Variants in ARMC9 observed in about 807,000 individuals in gnomAD.
ARMC9 encodes the protein lisH domain-containing protein ARMC9.
Under a neutral mutation model 107.0 loss-of-function variants are expected in ARMC9, and 94 were observed. The ratio of observed to expected loss-of-function variants is 0.88; its 90% CI spans 0.74 to 1.04. The LOEUF (loss-of-function observed/expected upper bound fraction) is 1.04. ARMC9 is among the 50% of genes least tolerant of loss of function. ARMC9 has a pLI of 0.00. For missense variants in ARMC9, 942 were observed against 1,030.1 expected, an observed-to-expected ratio of 0.91 and a Z score of 1.17; for synonymous variants, 380 against 396.9, an observed-to-expected ratio of 0.96 and a Z score of 0.51.
chr2:231,207,018 T>A (rs2032110096), intron 2 of ARMC9, among the ~76,000 whole-genome samples: 1 of 152,218 alleles, frequency 6.6e-6, no homozygotes, highest in Non-Finnish European at 1.5e-5. Context: ...TTAAAAATCT[T>A]TTTAGAGACA....
At chr2:231,200,241 C>T (rs188435215) in intron 1 of ARMC9, among the ~76,000 whole-genome samples, 9 of 152,284 alleles carry the variant, frequency 5.9e-5, no homozygotes, top group African/African-American at 2.2e-4. Context: ...ACTCACTTTT[C>T]CCGTTCCAGG....
In ARMC9 at chr2:231,360,847, A is replaced by T. The variant is rs1278144319; in HGVS notation, c.2225A>T (p.Glu742Val). 1 of 1,535,598 alleles carries T rather than the reference A, an allele frequency of 6.5e-7. No individual in the cohort carries two copies. Among genetic ancestry groups the T allele is most frequent in the South Asian group, 1.2e-5 (1 of 84,004 alleles). ...APTGTPRQPREAPQDPGNGVT... is the reference protein window; with the variant it reads ...APTGTPRQPRVAPQDPGNGVT... ...ACGGGGACCCCCCGCCAGCCAAGGG[A>T]GGCGCCCCAGGACCCAGGCAATGGA... The change falls in exon 23 of 25, where the codon GAG becomes GTG. Residue 742 changes from glutamate to valine, a missense_variant. By Grantham distance (121) the Glu-to-Val change is moderately radical. Transcript: ENST00000611582. This position sits in a 1 kb window ranked among gnomAD's most constrained non-coding sequence, Gnocchi z 4.7.
In ARMC9 at chr2:231,361,000, G is replaced by A; in HGVS notation, c.2261+117G>A. 7.2e-7 allele frequency: 1 copy of A among 1,397,022 alleles called. No individual in the cohort carries two copies. 86.5% of individuals were successfully genotyped at this position (1,397,022 alleles called of 1,614,324 possible). A position where few individuals can be genotyped will look rare whatever the true frequency, so the allele number is the denominator to read the frequency against. ...AAGGCTCCTCTGAGGCCCAGCCTCTGACAGGGGAGGCTAAGGAGCAGTGTC... is the reference window on the plus strand; with the variant it reads ...AAGGCTCCTCTGAGGCCCAGCCTCTAACAGGGGAGGCTAAGGAGCAGTGTC... On this transcript the variant is annotated intron_variant, in intron 23 of 24. Coordinates refer to ENST00000611582, the MANE Select transcript of ARMC9 (RefSeq NM_001352754.2). This position sits in a 1 kb window ranked among gnomAD's most constrained non-coding sequence, Gnocchi z 4.7.
Position 231,291,346 on chromosome 2 carries a change from C to T in ARMC9, c.1627-7C>T. On this transcript the variant is annotated splice_polypyrimidine_tract_variant and splice_region_variant and intron_variant, in intron 17 of 24. Transcript: ENST00000611582. ...ATGTTAACTATTACTTTCGCCAATACTTCTAGGGAATGGAAGACATCCTAC... is the reference window on the plus strand; with the variant it reads ...ATGTTAACTATTACTTTCGCCAATATTTCTAGGGAATGGAAGACATCCTAC... 6.2e-7 allele frequency: 1 copy of T among 1,611,614 alleles called. No homozygotes were observed. The highest frequency in any genetic ancestry group is 2.2e-5 in the East Asian group (1 of 44,828).
At chr2:231,368,912 C>T (rs145765390) in intron 23 of ARMC9, among the ~76,000 whole-genome samples, 2,338 of 152,264 alleles carry the variant, frequency 0.015, 43 homozygotes, top group African/African-American at 0.04. Flanking sequence ...CATGAGCCAC[C>T]GCGCCCGGCC....
intron 20 of ARMC9, among the ~76,000 whole-genome samples, chr2:231,341,138 G>A (rs1335556795): frequency 6.6e-6 from 1 of 152,200 alleles, no homozygotes; most frequent in Non-Finnish European, 1.5e-5. Context: ...GCTTCAGTGA[G>A]CTATGATTGC....
rs1164707595 is a variant in ARMC9 at position 231,269,572 on chromosome 2, A to G, written c.1120-1410A>G. Among the ~76,000 whole-genome samples the G allele has an allele frequency of 2.0e-5, 3 of 150,662 alleles. No homozygotes were observed. The East Asian group carries it at 5.8e-4, about 29-fold the overall frequency. On this transcript the variant is annotated intron_variant, in intron 12 of 24. Coordinates refer to ENST00000611582, the MANE Select transcript of ARMC9 (RefSeq NM_001352754.2). Reference sequence around the variant, plus strand: ...GGCTAATTTTTGTATTTTTGTAGAGACGGGGTTTCACCATGTTGGCCAGGC... The same window carrying G: ...GGCTAATTTTTGTATTTTTGTAGAGGCGGGGTTTCACCATGTTGGCCAGGC...
intron 9 of ARMC9, among the ~76,000 whole-genome samples, chr2:231,245,848 A>G (rs932686893): frequency 1.2e-4 from 19 of 152,076 alleles, no homozygotes; most frequent in Non-Finnish European, 1.6e-4. Flanking sequence ...CCCTGGGCAA[A>G]TGTGAATGCA....
At chr2:231,288,424 G>A in intron 17 of ARMC9, among the ~76,000 whole-genome samples, 1 of 152,088 alleles carries the variant, frequency 6.6e-6, no homozygotes, top group East Asian at 1.9e-4. Context: ...TTCATAACTA[G>A]AGGAAAATAT....
At chr2:231,281,731 C>T in intron 16 of ARMC9, among the ~76,000 whole-genome samples, 1 of 152,136 alleles carries the variant, frequency 6.6e-6, no homozygotes, top group East Asian at 1.9e-4. Context: ...TGAACAACAA[C>T]AACAACAAAA....
intron 12 of ARMC9, chr2:231,270,655 C>G (rs1326809036): frequency 1.9e-6 from 1 of 517,320 alleles, no homozygotes; most frequent in Non-Finnish European, 3.9e-6. Flanking sequence ...CCAAATTAGT[C>G]ATGTGTCTTG....
chr2:231,316,956 T>A (rs2042726586), intron 19 of ARMC9, among the ~76,000 whole-genome samples: 1 of 152,028 alleles, frequency 6.6e-6, no homozygotes, highest in Non-Finnish European at 1.5e-5. Context: ...AGAGATGGGG[T>A]TTCACCATGT....
chr2:231,261,924 G>A lies in ARMC9; in HGVS notation c.1027-382G>A, dbSNP rs577040080. 3.6e-3 allele frequency among the ~76,000 whole-genome samples: 540 copies of A among 151,874 alleles called. 6 individuals are homozygous for A. Among genetic ancestry groups the A allele is most frequent in the African/African-American group, 0.012 (489 of 41,368 alleles). On this transcript the variant is annotated intron_variant, in intron 11 of 24. Transcript: ENST00000611582. ...TGCAACCTCCGACTCCTGGGTTCAC[G>A]CCATTCTCCTGCCTCAGCCTCCCGA...
chr2:231,212,550 G>GA (rs1240507495), intron 3 of ARMC9, among the ~76,000 whole-genome samples: 2 of 152,210 alleles, frequency 1.3e-5, no homozygotes, highest in Non-Finnish European at 2.9e-5. Context: ...CACAGTCAGA[G>GA]AGCTCTTGGT....
chr2:231,290,265 C>G (rs1291032867), intron 17 of ARMC9, among the ~76,000 whole-genome samples: 1 of 152,204 alleles, frequency 6.6e-6, no homozygotes, highest in Non-Finnish European at 1.5e-5. Context: ...ACTGATTTAA[C>G]TTTTCTAGAA....
At chr2:231,320,121 CT>C in intron 19 of ARMC9, among the ~76,000 whole-genome samples, 1 of 77,386 alleles carries the variant, frequency 1.3e-5, no homozygotes, top group African/African-American at 4.3e-5. Flanking sequence ...ACCCACTTAG[CT>C]GCTGTATGTA....
rs1334790913 is a variant in ARMC9, at chr2:231,358,521, C to T, written c.2132-2233C>T. On this transcript the variant is annotated intron_variant, in intron 22 of 24. Coordinates refer to ENST00000611582, the MANE Select transcript of ARMC9 (RefSeq NM_001352754.2). The surrounding 1 kb of genome is among the most constrained non-coding windows in gnomAD (Gnocchi z 4.5). ...ACTTCCCTTCTCTCACTCACCTTGCCCCAGGCCCATCCTGGCCCCAGGCAG... is the reference window on the plus strand; with the variant it reads ...ACTTCCCTTCTCTCACTCACCTTGCTCCAGGCCCATCCTGGCCCCAGGCAG... Among the ~76,000 whole-genome samples the T allele has an allele frequency of 1.3e-5, 2 of 152,196 alleles. No individual in the cohort carries two copies. Among genetic ancestry groups the T allele is most frequent in the Non-Finnish European group, 2.9e-5 (2 of 68,042 alleles).
chr2:231,275,616 C>T (rs1188895107), intron 14 of ARMC9, among the ~76,000 whole-genome samples: 1 of 152,152 alleles, frequency 6.6e-6, no homozygotes, highest in African/African-American at 2.4e-5. Flanking sequence ...TATTTTTATA[C>T]AGCTCAGAGT....
intron 1 of ARMC9, among the ~76,000 whole-genome samples, chr2:231,200,830 A>G (rs960494795): frequency 6.6e-6 from 1 of 151,638 alleles, no homozygotes; most frequent in African/African-American, 2.4e-5. Context: ...GCTAAACTCC[A>G]TCTCAGAAAA....
Sources: allele counts gnomAD v4.1 joint callset (sites outside exome capture counted in the v4.1 genomes callset), GRCh38; gene constraint gnomAD v4.1.1; non-coding constraint Gnocchi (gnomAD v3.1); transcripts MANE v1.5; gene names NCBI Gene and HGNC (gene_info 2026-07-23, HGNC 2026-07-21).